Variants in NBEAL1 observed in about 807,000 individuals in gnomAD.
NBEAL1 encodes neurobeachin like 1.
Under a neutral mutation model 351.3 loss-of-function variants are expected in NBEAL1, and 273 were observed. That is an observed-to-expected ratio of 0.78 (90% CI 0.70 to 0.86). NBEAL1 has a LOEUF of 0.86. Ranked by LOEUF, NBEAL1 falls within the 40% of genes least tolerant of loss-of-function variation. The probability of loss-of-function intolerance (pLI) is 0.00; values close to 1 mark genes in which losing one functional copy is unlikely to be tolerated. For synonymous variants in NBEAL1, 1,050 were observed against 1,086.4 expected (o/e 0.97, Z 0.66); for missense variants, 2,961 against 3,201.3 (o/e 0.92, Z 1.81).
At chr2:203,040,820 T>TA in intron 2 of NBEAL1, 1 of 489,826 alleles carries the variant, frequency 2.0e-6, no homozygotes, top group Non-Finnish European at 3.9e-6. Flanking sequence ...ACCAAAAATA[T>TA]AGTGGGCTTC....
rs568286444 is a variant in NBEAL1, at chr2:203,131,398, TAG to T, written c.3565-571_3565-570del. Among the ~76,000 whole-genome samples the T allele has an allele frequency of 5.9e-5, 9 of 152,280 alleles. No homozygotes were observed. The South Asian group carries it at 1.2e-3, about 21-fold the overall frequency. On this transcript the variant is annotated intron_variant, in intron 25 of 55. Transcript: ENST00000683969. ...ACCTGGCTAATTTTTGTATTTTTAG[TAG>T]AGACAGGGTTTCACTATGTTGGCCA...
intron 33 of NBEAL1, among the ~76,000 whole-genome samples, chr2:203,148,568 A>C (rs1001845443): frequency 2.0e-5 from 3 of 152,098 alleles, no homozygotes; most frequent in Non-Finnish European, 4.4e-5. Context: ...TTCACAGATT[A>C]AAATTATGTC....
intron 43 of NBEAL1, chr2:203,182,654 G>A (rs2064753962): frequency 6.6e-6 from 1 of 152,172 alleles, no homozygotes; most frequent in Non-Finnish European, 1.5e-5. Flanking sequence ...TCCAACTTGT[G>A]ATACACTGGT....
intron 14 of NBEAL1, 141 bp from the exon 15 acceptor site, chr2:203,110,009 G>T: frequency 1.3e-6 from 1 of 758,076 alleles, no homozygotes; most frequent in Non-Finnish European, 2.0e-6. Flanking sequence ...AAACAAGGTT[G>T]GACTTCTGTG....
At chr2:203,149,502 C>T (rs2063596436) in intron 34 of NBEAL1, among the ~76,000 whole-genome samples, 1 of 152,050 alleles carries the variant, frequency 6.6e-6, no homozygotes, top group South Asian at 2.1e-4. Flanking sequence ...TTAACTGATC[C>T]TCAGTTACTT....
chr2:203,204,329 T>TC (rs1221935904), intron 51 of NBEAL1, among the ~76,000 whole-genome samples: 1 of 148,318 alleles, frequency 6.7e-6, no homozygotes, highest in Non-Finnish European at 1.5e-5. Flanking sequence ...TTTTGGTTTT[T>TC]TTTTTTTTTT....
intron 6 of NBEAL1, among the ~76,000 whole-genome samples, chr2:203,064,158 A>G (rs1232125554): frequency 6.6e-6 from 1 of 152,080 alleles, no homozygotes; most frequent in East Asian, 1.9e-4. Context: ...GGTTCAAACA[A>G]TTCTCCTGCC....
chr2:203,150,650 G>C (rs2063627604), intron 34 of NBEAL1, among the ~76,000 whole-genome samples: 1 of 151,768 alleles, frequency 6.6e-6, no homozygotes. Flanking sequence ...CCAAGTCCAA[G>C]GTCATGAAGT....
chr2:203,188,550 G>A lies in NBEAL1; in HGVS notation c.6784G>A (p.Val2262Ile), dbSNP rs114032912. The change falls in exon 45 of 56, where the codon GTA becomes ATA. Residue 2262 changes from valine to isoleucine, a missense_variant. Val to Ile is a conservative substitution (Grantham distance 29). Transcript: ENST00000683969. ...CTATAAACAGAGGGGACCAGCTGCA[G>A]TAGAGGCACTCAACGTTTTCTATTA... is the stretch of plus-strand genomic sequence containing the variant. ...FGYKQRGPAAVEALNVFYYCS... is the reference protein window; with the variant it reads ...FGYKQRGPAAIEALNVFYYCS... The A allele has an allele frequency of 5.1e-4, 819 of 1,609,000 alleles. 6 individuals are homozygous for A. The African/African-American group carries it at 9.4e-3, about 19-fold the overall frequency.
chr2:203,045,861 A>G (rs1003865464), intron 3 of NBEAL1, among the ~76,000 whole-genome samples: 3 of 152,338 alleles, frequency 2.0e-5, no homozygotes, highest in African/African-American at 7.2e-5. Context: ...TCTTAAAGGG[A>G]TAGGAAATTA....
intron 8 of NBEAL1, among the ~76,000 whole-genome samples, chr2:203,082,265 A>G (rs772318696): frequency 2.0e-4 from 30 of 152,196 alleles, no homozygotes; most frequent in Middle Eastern, 3.2e-3. Context: ...ATGTGAATTT[A>G]TTCTGGGTGG....
At chr2:203,080,673 G>A (rs1158409601) in intron 8 of NBEAL1, among the ~76,000 whole-genome samples, 1 of 152,072 alleles carries the variant, frequency 6.6e-6, no homozygotes, top group African/African-American at 2.4e-5. Flanking sequence ...AGGTTTCCAG[G>A]TGGTCTGTGT....
At chr2:203,125,009 A>G (rs1244484396) in intron 19 of NBEAL1, among the ~76,000 whole-genome samples, 1 of 152,072 alleles carries the variant, frequency 6.6e-6, no homozygotes, top group Non-Finnish European at 1.5e-5. Flanking sequence ...CTTGTTTATT[A>G]TGCCTAATTG....
Position 203,135,670 on chromosome 2 carries a change from T to A in NBEAL1, c.3814-7T>A. 1 of 1,475,458 alleles carries A rather than the reference T, an allele frequency of 6.8e-7. No homozygotes were observed. The highest frequency in any genetic ancestry group is 9.0e-7 in the Non-Finnish European group (1 of 1,111,704). 91.4% of individuals were successfully genotyped at this position (1,475,458 alleles called of 1,614,324 possible). A position where few individuals can be genotyped will look rare whatever the true frequency, so the allele number is the denominator to read the frequency against. ...TGAAGAATTTTGTATTCTAAATCTT[T>A]TTACAGGTTTTGCAAATTTTGCAGT... On this transcript the variant is annotated splice_polypyrimidine_tract_variant and splice_region_variant and intron_variant, in intron 27 of 55. Coordinates refer to ENST00000683969, the MANE Select transcript of NBEAL1 (RefSeq NM_001378026.1).
rs71034227 is a variant in NBEAL1 at position 203,190,159 on chromosome 2, T to TACACAC, written c.6824-88_6824-83dup. The TACACAC allele has an allele frequency of 2.6e-3, 1,187 of 450,342 alleles. 5 individuals carry two copies. The highest frequency in any genetic ancestry group is 0.012 in the African/African-American group (483 of 41,534). The allele number at this position is 450,342 out of a possible 1,614,324, so 27.9% of individuals were successfully genotyped here. On this transcript the variant is annotated intron_variant, in intron 45 of 55. Coordinates refer to ENST00000683969, the MANE Select transcript of NBEAL1 (RefSeq NM_001378026.1). ...TCAAAAAAAAAAAAAAAGATGTGTG[T>TACACAC]ACACACACACACACACACACACACA... is the stretch of plus-strand genomic sequence containing the variant.
intron 34 of NBEAL1, among the ~76,000 whole-genome samples, chr2:203,150,239 T>C (rs1432630107): frequency 1.3e-5 from 2 of 152,174 alleles, no homozygotes; most frequent in Admixed American, 1.3e-4. Flanking sequence ...CCTGATTTTT[T>C]ATTATGACCC....
intron 4 of NBEAL1, among the ~76,000 whole-genome samples, chr2:203,052,035 G>A (rs1467343084): frequency 6.6e-6 from 1 of 151,918 alleles, no homozygotes; most frequent in Non-Finnish European, 1.5e-5. Flanking sequence ...TATTAACTAA[G>A]GTCCATGTGC....
At position 203,090,786 on chromosome 2, in the gene NBEAL1, G is replaced by A. The variant is rs555428019; in HGVS notation, c.1098+6217G>A. Among the ~76,000 whole-genome samples, 13 of 152,276 alleles carry A rather than the reference G, an allele frequency of 8.5e-5. No individual in the cohort carries two copies. The South Asian group carries it at 2.1e-3, about 24-fold the overall frequency. On this transcript the variant is annotated intron_variant, in intron 10 of 55. Transcript: ENST00000683969. ...TGCCTGTAATCCCAGCTACCTGGGA[G>A]GCTGAGGCAAGAGAATTGCTTGAAC... is the stretch of plus-strand genomic sequence containing the variant.
rs180763211 is a variant in NBEAL1 at position 203,022,680 on chromosome 2, T to C, written c.51+6245T>C. Among the ~76,000 whole-genome samples the C allele has an allele frequency of 2.4e-3, 361 of 152,316 alleles. 1 individual carries two copies. Among genetic ancestry groups the C allele is most frequent in the Admixed American group, 9.3e-3 (143 of 15,298 alleles). On this transcript the variant is annotated intron_variant, in intron 2 of 55. Coordinates refer to ENST00000683969, the MANE Select transcript of NBEAL1 (RefSeq NM_001378026.1). Reference sequence around the variant, plus strand: ...GCAGATGTGTGGGTGTGGACATGTGTGTATCAGGATTACTTCCATTTGCCC... The same window carrying C: ...GCAGATGTGTGGGTGTGGACATGTGCGTATCAGGATTACTTCCATTTGCCC...
Sources: gnomAD v4.1 joint callset for allele counts (sites outside exome capture counted in the v4.1 genomes callset) on GRCh38, gnomAD v4.1.1 for gene constraint, MANE v1.5 for transcripts, NCBI Gene and HGNC (gene_info 2026-07-23, HGNC 2026-07-21) for gene names.